Variants in SLC38A9 observed in about 807,000 individuals in gnomAD.
The protein encoded by SLC38A9 is neutral amino acid transporter 9.
SLC38A9 carries 48 observed loss-of-function variants against 62.3 expected under a neutral mutation model. That is an observed-to-expected ratio of 0.77 (90% CI 0.61 to 0.98). The LOEUF (loss-of-function observed/expected upper bound fraction) is 0.98. SLC38A9 is among the 50% of genes least tolerant of loss of function. The probability of loss-of-function intolerance (pLI) is 0.00; values close to 1 mark genes in which losing one functional copy is unlikely to be tolerated. For synonymous variants in SLC38A9, 204 were observed against 227.7 expected (o/e 0.90, Z 0.94); for missense variants, 541 against 679.8 (o/e 0.80, Z 2.27).
chr5:55,627,279 C>G (rs1229072487), intron 15 of SLC38A9, among the ~76,000 whole-genome samples: 1 of 151,792 alleles, frequency 6.6e-6, no homozygotes. Context: ...TAAGAGTGTT[C>G]CAAAAAAAAT....
chr5:55,678,144 T>TTTTTG (rs1225010149), intron 3 of SLC38A9, among the ~76,000 whole-genome samples: 2 of 138,840 alleles, frequency 1.4e-5, no homozygotes, highest in South Asian at 2.4e-4. Flanking sequence ...ACTGGTTTTT[T>TTTTTG]TTTCTTTTTT....
Position 55,695,358 on chromosome 5 carries a change from C to T in SLC38A9, c.113+2488G>A, listed in dbSNP as rs541756525. Among the ~76,000 whole-genome samples, 16 of 110,310 alleles carry T rather than the reference C, an allele frequency of 1.5e-4. 2 individuals are homozygous for T. Among genetic ancestry groups the T allele is most frequent in the Non-Finnish European group, 2.2e-4 (11 of 50,164 alleles). The allele number at this position is 110,310 out of a possible 152,430, so 72.4% of individuals were successfully genotyped here. On this transcript the variant is annotated intron_variant, in intron 3 of 15. Transcript: ENST00000396865. ...CATAGGACAATAGTGGAGGGAAGGT[C>T]AGCAGATAAACAAGTGAACAAAGGT...
At chr5:55,666,379 A>G (rs1034094756) in intron 7 of SLC38A9, among the ~76,000 whole-genome samples, 1 of 152,208 alleles carries the variant, frequency 6.6e-6, no homozygotes, top group Non-Finnish European at 1.5e-5. Flanking sequence ...TCATCAAAGG[A>G]TAATTTTACA....
intron 10 of SLC38A9, among the ~76,000 whole-genome samples, chr5:55,651,248 C>CTTTTTTTTTTT (rs1157691760): frequency 1.3e-4 from 15 of 117,616 alleles, no homozygotes; most frequent in African/African-American, 4.9e-4. Flanking sequence ...CTTTTGCCAT[C>CTTTTTTTTTTT]TTTTTTTTTT....
chr5:55,709,302 G>GA (rs1057351292), intron 2 of SLC38A9, among the ~76,000 whole-genome samples: 21 of 151,052 alleles, frequency 1.4e-4, no homozygotes, highest in Admixed American at 3.9e-4. Context: ...TGGTAAGAAA[G>GA]AAAAAAACCC....
At chr5:55,687,320 G>T (rs1353962971) in intron 3 of SLC38A9, among the ~76,000 whole-genome samples, 1 of 149,284 alleles carries the variant, frequency 6.7e-6, no homozygotes, top group African/African-American at 2.5e-5. Flanking sequence ...CCAGCTACTC[G>T]GGAGGCTGAG....
intron 11 of SLC38A9, among the ~76,000 whole-genome samples, chr5:55,647,760 T>C (rs1301243765): frequency 6.6e-6 from 1 of 152,224 alleles, no homozygotes; most frequent in Non-Finnish European, 1.5e-5. Flanking sequence ...AAAAGCTATC[T>C]TTTTGAGAAA....
At chr5:55,638,891 A>T (rs1744918622) in intron 12 of SLC38A9, among the ~76,000 whole-genome samples, 1 of 152,238 alleles carries the variant, frequency 6.6e-6, no homozygotes, top group African/African-American at 2.4e-5. Context: ...TTCTGATTCA[A>T]ATACAATGAG....
intron 12 of SLC38A9, among the ~76,000 whole-genome samples, chr5:55,639,344 G>A (rs572985351): frequency 8.7e-4 from 130 of 150,238 alleles, no homozygotes; most frequent in African/African-American, 2.9e-3. Context: ...CATTTCGTGG[G>A]AAAAAAAAAT....
chr5:55,694,695 C>T (rs1282121069), intron 3 of SLC38A9, among the ~76,000 whole-genome samples: 3 of 150,784 alleles, frequency 2.0e-5, no homozygotes, highest in African/African-American at 4.9e-5. Flanking sequence ...TTTTCCCTTC[C>T]CTTCCCTTCC....
In SLC38A9 at chr5:55,694,597, A is replaced by G. The variant is rs72760041; in HGVS notation, c.113+3249T>C. On this transcript the variant is annotated intron_variant, in intron 3 of 15. Coordinates refer to ENST00000396865, the MANE Select transcript of SLC38A9 (RefSeq NM_173514.4). Reference sequence around the variant, plus strand: ...TGAGGTGTCAGTAATACCTTAATCAATATACTTTGTTTCTATTTTCATTTT... The same window carrying G: ...TGAGGTGTCAGTAATACCTTAATCAGTATACTTTGTTTCTATTTTCATTTT... Among the ~76,000 whole-genome samples the G allele has an allele frequency of 8.5e-3, 1,288 of 152,262 alleles. 10 individuals are homozygous for G. The highest frequency in any genetic ancestry group is 0.015 in the Non-Finnish European group (988 of 68,004).
At chr5:55,672,346 A>T (rs1048406901) in intron 4 of SLC38A9, among the ~76,000 whole-genome samples, 1 of 152,222 alleles carries the variant, frequency 6.6e-6, no homozygotes, top group Non-Finnish European at 1.5e-5. Flanking sequence ...AAAAATCTCC[A>T]GGTTGTTGTC....
At chr5:55,645,707 TA>T in intron 12 of SLC38A9, 81 bp downstream of exon 12, 1 of 951,496 alleles carries the variant, frequency 1.1e-6, no homozygotes, top group Non-Finnish European at 1.6e-6. Context: ...AATTGTACTC[TA>T]AATATAAAGT....
intron 2 of SLC38A9, among the ~76,000 whole-genome samples, chr5:55,710,079 A>G (rs1371334047): frequency 1.4e-4 from 13 of 94,492 alleles, no homozygotes; most frequent in South Asian, 4.2e-4. Context: ...AAAAAAAAAA[A>G]AAAAAAGAAA....
At chr5:55,670,883 G>A (rs561004432) in intron 4 of SLC38A9, among the ~76,000 whole-genome samples, 2 of 150,390 alleles carry the variant, frequency 1.3e-5, no homozygotes, top group South Asian at 2.1e-4. Flanking sequence ...GGAAAAAGCC[G>A]AAAAAAAAAT....
intron 14 of SLC38A9, among the ~76,000 whole-genome samples, chr5:55,631,165 AT>A (rs1194189424): frequency 6.6e-6 from 1 of 152,058 alleles, no homozygotes; most frequent in African/African-American, 2.4e-5. Context: ...CCTAAATTCT[AT>A]TTTTTAATAT....
At chr5:55,647,106 G>A (rs1265494539) in intron 11 of SLC38A9, among the ~76,000 whole-genome samples, 1 of 152,062 alleles carries the variant, frequency 6.6e-6, no homozygotes, top group South Asian at 2.1e-4. Flanking sequence ...AAAGAAAAAA[G>A]ACTGGTGAGG....
At chr5:55,632,972 T>TA (rs1743757518) in intron 14 of SLC38A9, among the ~76,000 whole-genome samples, 1 of 152,056 alleles carries the variant, frequency 6.6e-6, no homozygotes, top group East Asian at 1.9e-4. Flanking sequence ...CCATGTAACA[T>TA]AAAACCACAT....
intron 4 of SLC38A9, among the ~76,000 whole-genome samples, chr5:55,672,266 C>T (rs772456619): frequency 2.0e-5 from 3 of 152,218 alleles, no homozygotes; most frequent in Admixed American, 6.5e-5. Flanking sequence ...AATGGCCTAA[C>T]TTGCCATTTC....
Sources: gnomAD v4.1 joint callset for allele counts (sites outside exome capture counted in the v4.1 genomes callset) on GRCh38, gnomAD v4.1.1 for gene constraint, MANE v1.5 for transcripts, NCBI Gene and HGNC (gene_info 2026-07-23, HGNC 2026-07-21) for gene names.